FLT3: variants seen among roughly 807,000 people sequenced by gnomAD.
The protein encoded by FLT3 is fms related receptor tyrosine kinase 3, also known as receptor-type tyrosine-protein kinase FLT3.
A neutral mutation model predicts 126.6 loss-of-function variants in FLT3; 46 were observed. That is an observed-to-expected ratio of 0.36 (90% confidence interval 0.29 to 0.46). The LOEUF is 0.46. FLT3 is among the 20% of genes least tolerant of loss of function. FLT3 has a pLI of 1.00. For synonymous variants in FLT3, 404 were observed against 434.4 expected (o/e 0.93, Z 0.87); for missense variants, 1,069 against 1,190.3 (o/e 0.90, Z 1.50).
chr13:28,076,398 G>A (rs1354341476), intron 1 of FLT3, among the ~76,000 whole-genome samples: 1 of 152,150 alleles, frequency 6.6e-6, no homozygotes, highest in Non-Finnish European at 1.5e-5. Flanking sequence ...CAAAGGCGAA[G>A]TTCCAGGACA....
chr13:28,070,221 CG>C (rs1203894162), intron 2 of FLT3, among the ~76,000 whole-genome samples: 2 of 152,152 alleles, frequency 1.3e-5, no homozygotes, highest in African/African-American at 4.8e-5. Context: ...GAACCATCCC[CG>C]CTGTATACCA....
intron 10 of FLT3, 94 bp downstream of exon 10, chr13:28,037,085 AGTAGCC>A: frequency 1.4e-6 from 1 of 700,156 alleles, no homozygotes; most frequent in Non-Finnish European, 2.5e-6. Flanking sequence ...ACAGTTTTGT[AGTAGCC>A]CTTCTAAGCC....
At chr13:28,028,493 T>G (rs1873015202) in intron 15 of FLT3, among the ~76,000 whole-genome samples, 1 of 152,000 alleles carries the variant, frequency 6.6e-6, no homozygotes, top group Admixed American at 6.6e-5. Context: ...GGTCAGAAGT[T>G]CAAGACTGGC....
Position 28,052,706 on chromosome 13 carries a change from A to G in FLT3, c.485-32T>C, listed in dbSNP as rs769106403. The G allele has an allele frequency of 6.8e-6, 10 of 1,469,890 alleles. No individual in the cohort carries two copies. The Admixed American group carries it at 7.5e-5, about 11-fold the overall frequency. The allele number at this position is 1,469,890 out of a possible 1,614,324, so 91.1% of individuals were successfully genotyped here. On this transcript the variant is annotated intron_variant, in intron 4 of 23. Transcript: ENST00000241453. ...CATCATAAGTTATTAACATTTTACT[A>G]TTTTAAAAATAATTCTCTTAGCAGC...
At chr13:28,014,178 T>C (rs1478776940) in intron 23 of FLT3, among the ~76,000 whole-genome samples, 1 of 152,026 alleles carries the variant, frequency 6.6e-6, no homozygotes, top group African/African-American at 2.4e-5. Context: ...AGGCCGTGGC[T>C]GGAGGATTGC....
intron 23 of FLT3, among the ~76,000 whole-genome samples, chr13:28,008,229 C>T (rs1871079479): frequency 7.5e-6 from 1 of 132,458 alleles, no homozygotes; most frequent in South Asian, 2.4e-4. Context: ...GTGGGAGGAT[C>T]GCTTGATTCC....
rs571032951 is a variant in FLT3, at chr13:28,070,183, A to C, written c.165+308T>G. On this transcript the variant is annotated intron_variant, in intron 2 of 23. Transcript: ENST00000241453. ...TTTTATATCAGGTACTTGAGTATCC[A>C]TGGATTTTGGTATTAGTGAGAGTCT... Among the ~76,000 whole-genome samples the C allele has an allele frequency of 2.6e-5, 4 of 152,334 alleles. No homozygotes were observed. The South Asian group carries it at 8.3e-4, about 32-fold the overall frequency.
Position 28,049,541 on chromosome 13 carries a change from G to T in FLT3, c.883-4C>A. 1 of 1,612,944 alleles carries T rather than the reference G, an allele frequency of 6.2e-7. No homozygotes were observed. Among genetic ancestry groups the T allele is most frequent in the Non-Finnish European group, 8.5e-7 (1 of 1,179,260 alleles). ...TACTCATCTCAAAGTAGTTGCCCTA[G>T]GTTTTAATAAAACAGAGTTTGCATT... On this transcript the variant is annotated splice_region_variant and splice_polypyrimidine_tract_variant and intron_variant, in intron 7 of 23. Transcript: ENST00000241453.
chr13:28,049,809 A>AT (rs1192426570), intron 6 of FLT3, 35 bp from the exon 7 acceptor site: 31 of 1,595,670 alleles, frequency 1.9e-5, no homozygotes, highest in Non-Finnish European at 2.6e-5. Flanking sequence ...GAGAAAAAAA[A>AT]AGTGATTTTT....
intron 1 of FLT3, among the ~76,000 whole-genome samples, chr13:28,077,636 C>G (rs1218326024): frequency 2.6e-5 from 4 of 152,126 alleles, no homozygotes; most frequent in African/African-American, 7.2e-5. Flanking sequence ...TCTGCCCCGG[C>G]CCCTCCAAAT....
At chr13:28,033,550 G>A (rs1470823130) in intron 15 of FLT3, among the ~76,000 whole-genome samples, 1 of 152,162 alleles carries the variant, frequency 6.6e-6, no homozygotes, top group East Asian at 1.9e-4. Context: ...TGTAGCCCCA[G>A]CTGCTGAGGA....
chr13:28,012,336 G>A (rs148460340), intron 23 of FLT3, among the ~76,000 whole-genome samples: 1 of 152,068 alleles, frequency 6.6e-6, no homozygotes, highest in African/African-American at 2.4e-5. Flanking sequence ...CATCCTGTGA[G>A]TATGGGGACA....
chr13:28,063,167 T>C (rs1030792878), intron 2 of FLT3, among the ~76,000 whole-genome samples: 2 of 152,170 alleles, frequency 1.3e-5, no homozygotes, highest in Non-Finnish European at 2.9e-5. Flanking sequence ...ACCACACTTC[T>C]TGCCTGCTTT....
intron 23 of FLT3, among the ~76,000 whole-genome samples, chr13:28,007,089 A>G (rs1870974902): frequency 6.6e-6 from 1 of 152,134 alleles, no homozygotes; most frequent in Admixed American, 6.6e-5. Context: ...AGTGACCTTT[A>G]AATGACTTTT....
At chr13:28,025,987 A>G (rs947931365) in intron 17 of FLT3, among the ~76,000 whole-genome samples, 5 of 152,174 alleles carry the variant, frequency 3.3e-5, no homozygotes, top group African/African-American at 1.2e-4. Flanking sequence ...CTGGTAAAGA[A>G]AAAAGTCTCC....
intron 21 of FLT3, 64 bp downstream of exon 21, chr13:28,015,525 CG>C: frequency 1.3e-6 from 1 of 770,230 alleles, no homozygotes; most frequent in Non-Finnish European, 2.2e-6. Context: ...AGGGGTGGGG[CG>C]GCACCGAGAG....
At chr13:28,071,348 C>A (rs1217338338) in intron 1 of FLT3, among the ~76,000 whole-genome samples, 3 of 151,898 alleles carry the variant, frequency 2.0e-5, no homozygotes, top group Admixed American at 1.3e-4. Context: ...CTTATAGAAT[C>A]TTTTCTTTGA....
At chr13:28,050,907 GAACTT>G (rs1875387490) in intron 5 of FLT3, among the ~76,000 whole-genome samples, 2 of 151,832 alleles carry the variant, frequency 1.3e-5, no homozygotes, top group Non-Finnish European at 2.9e-5. Flanking sequence ...TACTTTGTAA[GAACTT>G]AACTTTGGCA....
rs768155819 is a variant in FLT3, at chr13:28,074,855, A to C, written c.44-4243T>G. On this transcript the variant is annotated intron_variant, in intron 1 of 23. Transcript: ENST00000241453. The stretch of plus-strand genomic sequence containing the variant: ...GTATTTTTTGTCCAGGCTGGTCTCA[A>C]ACTCCTAGGCTCAAGTTGTCTGCCC... 5.3e-5 allele frequency among the ~76,000 whole-genome samples: 8 copies of C among 152,174 alleles called. No homozygotes were observed. The South Asian group carries it at 1.5e-3, about 28-fold the overall frequency.
Sources: gnomAD v4.1 joint callset for allele counts (sites outside exome capture counted in the v4.1 genomes callset) on GRCh38, gnomAD v4.1.1 for gene constraint, MANE v1.5 for transcripts, NCBI Gene and HGNC (gene_info 2026-07-23, HGNC 2026-07-21) for gene names.